Variants in UBE2D2 observed in about 807,000 individuals in gnomAD.
UBE2D2 encodes ubiquitin conjugating enzyme E2 D2, also known as ubiquitin-conjugating enzyme E2 D2.
A neutral mutation model predicts 24.2 loss-of-function variants in UBE2D2; 2 were observed. The observed-to-expected ratio is 0.08, with a 90% confidence interval of 0.03 to 0.26. The LOEUF is 0.26. UBE2D2 is among the 10% of genes least tolerant of loss of function. The pLI is 1.00. For synonymous variants in UBE2D2, 58 were observed against 56.5 expected, an observed-to-expected ratio of 1.03 and a Z score of -0.12; for missense variants, 44 against 177.6, an observed-to-expected ratio of 0.25 and a Z score of 4.28.
At chr5:139,528,596 A>G (rs1752566015) in intron 1 of UBE2D2, among the ~76,000 whole-genome samples, 1 of 152,252 alleles carries the variant, frequency 6.6e-6, no homozygotes, top group Non-Finnish European at 1.5e-5. Flanking sequence ...ACTCTTAGAC[A>G]AAACCTAAAC....
chr5:139,596,052 C>T (rs1379372305), intron 1 of UBE2D2, among the ~76,000 whole-genome samples: 5 of 150,910 alleles, frequency 3.3e-5, no homozygotes, highest in African/African-American at 1.2e-4. Flanking sequence ...CGCCACCATG[C>T]CCGGCTAATT....
intron 1 of UBE2D2, among the ~76,000 whole-genome samples, chr5:139,577,808 T>TC (rs941775210): frequency 2.2e-4 from 33 of 152,000 alleles, no homozygotes; most frequent in Non-Finnish European, 2.9e-4. Flanking sequence ...AGCATTCATC[T>TC]CCCCCCACCA....
intron 1 of UBE2D2, among the ~76,000 whole-genome samples, chr5:139,546,505 C>G (rs1253288853): frequency 6.7e-6 from 1 of 149,464 alleles, no homozygotes; most frequent in East Asian, 2.0e-4. Flanking sequence ...TTGTTTGAAA[C>G]AGAGTCTTGC....
intron 1 of UBE2D2, among the ~76,000 whole-genome samples, chr5:139,583,329 T>C (rs1753647282): frequency 6.6e-6 from 1 of 152,218 alleles, no homozygotes; most frequent in Non-Finnish European, 1.5e-5. Context: ...GTGTTTTCAC[T>C]ACCAAAAGAA....
At chr5:139,555,924 CAAAAAAAAAAA>C (rs1168084041) in intron 1 of UBE2D2, among the ~76,000 whole-genome samples, 13 of 9,322 alleles carry the variant, frequency 1.4e-3, no homozygotes, top group East Asian at 3.5e-3. Context: ...GACTCCATCT[CAAAAAAAAAAA>C]AAAAAAAAAA....
chr5:139,616,597 T>A (rs1281719044), intron 5 of UBE2D2, among the ~76,000 whole-genome samples: 2 of 152,226 alleles, frequency 1.3e-5, no homozygotes, highest in Non-Finnish European at 2.9e-5. Flanking sequence ...AAGATATTTT[T>A]AAAAGAAGAC....
upstream of UBE2D2, among the ~76,000 whole-genome samples, chr5:139,558,273 A>G (rs1753007112): frequency 6.6e-6 from 1 of 152,122 alleles, no homozygotes; most frequent in African/African-American, 2.4e-5. Flanking sequence ...AGGAAAATTC[A>G]CGATATATTG....
intron 2 of UBE2D2, among the ~76,000 whole-genome samples, chr5:139,612,832 G>T (rs181177687): frequency 6.6e-6 from 1 of 152,134 alleles, no homozygotes; most frequent in African/African-American, 2.4e-5. Context: ...CAGAAACAGG[G>T]TCTTGCTATG....
chr5:139,548,197 T>TAAAA (rs1341232753), intron 1 of UBE2D2, among the ~76,000 whole-genome samples: 1 of 35,674 alleles, frequency 2.8e-5, no homozygotes, highest in Non-Finnish European at 4.8e-5. Flanking sequence ...AAAAAAAAAA[T>TAAAA]AAATAAATAA....
intron 1 of UBE2D2, among the ~76,000 whole-genome samples, chr5:139,534,390 CCTCTT>C (rs1005348204): frequency 2.0e-5 from 3 of 151,930 alleles, no homozygotes; most frequent in African/African-American, 7.2e-5. Flanking sequence ...CACGGTGAAA[CCTCTT>C]CTCTACTAAA....
chr5:139,533,308 G>A (rs901684678), intron 1 of UBE2D2, among the ~76,000 whole-genome samples: 1 of 151,776 alleles, frequency 6.6e-6, no homozygotes, highest in Non-Finnish European at 1.5e-5. Context: ...CACCTAAAAT[G>A]AATGAAATTG....
chr5:139,532,414 C>A (rs374098021), intron 1 of UBE2D2, among the ~76,000 whole-genome samples: 2 of 151,586 alleles, frequency 1.3e-5, no homozygotes, highest in Non-Finnish European at 2.9e-5. Flanking sequence ...GGCAGTGGCA[C>A]GATCTCGGCT....
At chr5:139,590,384 G>T (rs1190362201) in intron 1 of UBE2D2, among the ~76,000 whole-genome samples, 1 of 149,996 alleles carries the variant, frequency 6.7e-6, no homozygotes, top group Non-Finnish European at 1.5e-5. Flanking sequence ...GCAGTGAGCT[G>T]AGATCACACC....
chr5:139,576,866 C>T (rs917220981), intron 1 of UBE2D2, among the ~76,000 whole-genome samples: 2 of 151,140 alleles, frequency 1.3e-5, no homozygotes, highest in Admixed American at 6.6e-5. Context: ...TTCAAGGGAG[C>T]CACAAAAATC....
chr5:139,621,049 A>T (rs1327786469), intron 5 of UBE2D2, among the ~76,000 whole-genome samples: 1 of 152,330 alleles, frequency 6.6e-6, no homozygotes, highest in East Asian at 1.9e-4. Flanking sequence ...GATCAAGACT[A>T]GCCTGGCCAA....
chr5:139,526,397 A>G (rs1392427203), upstream of UBE2D2: 7 of 152,224 alleles, frequency 4.6e-5, no homozygotes, highest in Admixed American at 4.6e-4. Context: ...CGGCCGAGGC[A>G]GCCCCTTAGG....
At position 139,561,468 on chromosome 5, in the gene UBE2D2, G is replaced by A. The variant is rs1014040567; in HGVS notation, c.-324G>A. 3.0e-6 allele frequency: 1 copy of A among 329,626 alleles called. No individual in the cohort carries two copies. The highest frequency in any genetic ancestry group is 5.5e-6 in the Non-Finnish European group (1 of 180,808). 20.4% of individuals were successfully genotyped at this position (329,626 alleles called of 1,614,324 possible). ...GGCCGAGCCCGAGGCTTGGGCTTTT[G>A]CTTTCTGGCGGAGGGATCTGCGGCG... On this transcript the variant is annotated 5_prime_UTR_variant, in exon 1 of 7. Transcript: ENST00000398733.
chr5:139,622,254 AT>A (rs1185111093), intron 5 of UBE2D2, among the ~76,000 whole-genome samples: 1 of 151,526 alleles, frequency 6.6e-6, no homozygotes, highest in African/African-American at 2.4e-5. Context: ...TATAATTATT[AT>A]TTTTTGGAGA....
intron 1 of UBE2D2, among the ~76,000 whole-genome samples, chr5:139,549,184 C>T (rs1383210078): frequency 1.3e-5 from 2 of 152,164 alleles, no homozygotes; most frequent in East Asian, 1.9e-4. Flanking sequence ...GAGGTGACAA[C>T]GTGCTAGCAG....
Sources: allele counts gnomAD v4.1 joint callset (sites outside exome capture counted in the v4.1 genomes callset), GRCh38; gene constraint gnomAD v4.1.1; transcripts MANE v1.5; gene names NCBI Gene and HGNC (gene_info 2026-07-23, HGNC 2026-07-21).